The following NPAS3 variants were observed in gnomAD, a reference collection of about 807,000 sequenced individuals.
NPAS3 encodes neuronal PAS domain protein 3.
Under a neutral mutation model 73.1 loss-of-function variants are expected in NPAS3, and 14 were observed. That is an observed-to-expected ratio of 0.19 (90% CI 0.13 to 0.30). NPAS3 has a LOEUF of 0.30. Ranked by LOEUF, NPAS3 falls within the 10% of genes least tolerant of loss-of-function variation. The pLI is 1.00. For synonymous variants in NPAS3, 620 were observed against 541.5 expected (o/e 1.14, Z -2.01); for missense variants, 1,096 against 1,250.0 (o/e 0.88, Z 1.86).
chr14:33,453,029 C>A (rs947161980), intron 4 of NPAS3, among the ~76,000 whole-genome samples: 5 of 152,038 alleles, frequency 3.3e-5, no homozygotes. Flanking sequence ...ATGACATGAT[C>A]GTAGGTGACA....
chr14:33,103,326 A>G (rs1271314095), intron 2 of NPAS3, among the ~76,000 whole-genome samples: 1 of 152,106 alleles, frequency 6.6e-6, no homozygotes, highest in African/African-American at 2.4e-5. Context: ...TCAAGAGCTC[A>G]CCTGAAAGTC....
intron 5 of NPAS3, among the ~76,000 whole-genome samples, chr14:33,614,897 G>T (rs143761089): frequency 0.014 from 2,114 of 152,204 alleles, 46 homozygotes; most frequent in African/African-American, 0.048. Flanking sequence ...AAAATTTATA[G>T]TGCAAAGCAG....
At position 33,714,715 on chromosome 14, in the gene NPAS3, A is replaced by AT. The variant is rs140732131; in HGVS notation, c.734-20492dup. Among the ~76,000 whole-genome samples the AT allele has an allele frequency of 7.7e-3, 1,174 of 152,234 alleles. 13 individuals carry two copies. The highest frequency in any genetic ancestry group is 0.026 in the African/African-American group (1,090 of 41,542). On this transcript the variant is annotated intron_variant, in intron 6 of 11. Transcript: ENST00000356141. ...AAAAATACCTTACGTCACTGATTCT[A>AT]TTTTTTTCACATTTTAACATCTCTG...
intron 5 of NPAS3, among the ~76,000 whole-genome samples, chr14:33,612,752 G>A (rs537497694): frequency 5.3e-5 from 8 of 152,200 alleles, no homozygotes; most frequent in South Asian, 4.2e-4. Context: ...CCTCCCTCCC[G>A]TAAACTGGTG....
intron 4 of NPAS3, among the ~76,000 whole-genome samples, chr14:33,445,692 A>G (rs2049454857): frequency 6.6e-6 from 1 of 152,234 alleles, no homozygotes; most frequent in African/African-American, 2.4e-5. Flanking sequence ...ACAATTTGGA[A>G]CATTTTCTAT....
intron 5 of NPAS3, among the ~76,000 whole-genome samples, chr14:33,636,086 A>T (rs1567074048): frequency 6.6e-6 from 1 of 151,968 alleles, no homozygotes; most frequent in Non-Finnish European, 1.5e-5. Context: ...ACGCCTGGCT[A>T]ATTTTGTATT....
intron 7 of NPAS3, among the ~76,000 whole-genome samples, chr14:33,749,110 C>T (rs1344523214): frequency 6.6e-6 from 1 of 152,122 alleles, no homozygotes; most frequent in African/African-American, 2.4e-5. Flanking sequence ...CTAAAACCAA[C>T]CAGTCTCAGA....
At chr14:33,232,558 C>T (rs1389080782) in intron 3 of NPAS3, among the ~76,000 whole-genome samples, 1 of 152,128 alleles carries the variant, frequency 6.6e-6, no homozygotes. Flanking sequence ...GCGTTGCTCT[C>T]TCTTTTGAAT....
At chr14:33,588,343 T>C (rs1484383336) in intron 5 of NPAS3, among the ~76,000 whole-genome samples, 1 of 152,066 alleles carries the variant, frequency 6.6e-6, no homozygotes, top group African/African-American at 2.4e-5. Context: ...GATCCAAATA[T>C]CCTTCGGCAG....
intron 9 of NPAS3, among the ~76,000 whole-genome samples, chr14:33,780,015 A>G (rs899851361): frequency 1.3e-5 from 2 of 152,222 alleles, no homozygotes; most frequent in Admixed American, 1.3e-4. Flanking sequence ...ACTCAGAAAC[A>G]TGGAGATGTT....
intron 4 of NPAS3, among the ~76,000 whole-genome samples, chr14:33,388,129 G>A (rs1301675349): frequency 6.6e-6 from 1 of 152,150 alleles, no homozygotes; most frequent in African/African-American, 2.4e-5. Flanking sequence ...CATGATCAAT[G>A]CACAGGGCTT....
At chr14:33,774,618 C>A in intron 8 of NPAS3, 88 bp downstream of exon 8, 1 of 1,015,298 alleles carries the variant, frequency 9.8e-7, no homozygotes, top group East Asian at 2.4e-5. Flanking sequence ...GGTACTCTCC[C>A]AGTGAGGTTC....
chr14:33,712,818 C>G (rs1437301006), intron 6 of NPAS3, among the ~76,000 whole-genome samples: 1 of 152,112 alleles, frequency 6.6e-6, no homozygotes, highest in Non-Finnish European at 1.5e-5. Flanking sequence ...CATGGGTAAA[C>G]AAGGTATAGC....
intron 1 of NPAS3, among the ~76,000 whole-genome samples, chr14:32,986,554 T>C (rs969206502): frequency 6.6e-6 from 1 of 152,206 alleles, no homozygotes; most frequent in Non-Finnish European, 1.5e-5. Flanking sequence ...ATATGTCAAG[T>C]ATGTTTTAAA....
chr14:33,396,789 A>C (rs1434267581), intron 4 of NPAS3, among the ~76,000 whole-genome samples: 1 of 152,034 alleles, frequency 6.6e-6, no homozygotes, highest in Admixed American at 6.6e-5. Context: ...TATATGTGTT[A>C]TGTGAATATA....
At chr14:33,211,367 G>A (rs1282582269) in intron 2 of NPAS3, among the ~76,000 whole-genome samples, 9 of 152,182 alleles carry the variant, frequency 5.9e-5, no homozygotes, top group Non-Finnish European at 8.8e-5. Context: ...GATCACTTGA[G>A]GTCAGGAGTT....
chr14:33,746,195 A>AT (rs1241544431), intron 7 of NPAS3, among the ~76,000 whole-genome samples: 3 of 146,468 alleles, frequency 2.0e-5, no homozygotes, highest in African/African-American at 8.1e-5. Flanking sequence ...TTATTTATTT[A>AT]TTTATTTTTT....
intron 3 of NPAS3, among the ~76,000 whole-genome samples, chr14:33,310,321 C>G (rs1379035268): frequency 6.6e-6 from 1 of 151,594 alleles, no homozygotes; most frequent in African/African-American, 2.4e-5. Flanking sequence ...AAAAGTATAG[C>G]TTAAAGGAGA....
At position 33,784,751 on chromosome 14, in the gene NPAS3, T is replaced by TA. The variant is rs199829124; in HGVS notation, c.1153+6179_1153+6180insA. On this transcript the variant is annotated intron_variant, in intron 9 of 11. Transcript: ENST00000356141. Reference sequence around the variant, plus strand: ...TTTATTTATTTATTTATTTATTTTTTTTTTTTTTTTTTTTTTGAGACAGAG... The same window carrying TA: ...TTTATTTATTTATTTATTTATTTTTTATTTTTTTTTTTTTTTTGAGACAGAG... Among the ~76,000 whole-genome samples the TA allele has an allele frequency of 5.7e-4, 66 of 114,838 alleles. 1 individual carries two copies. Among genetic ancestry groups the TA allele is most frequent in the African/African-American group, 2.0e-3 (52 of 25,870 alleles). The allele number at this position is 114,838 out of a possible 152,430, so 75.3% of individuals were successfully genotyped here. A position where few individuals can be genotyped will look rare whatever the true frequency, so the allele number is the denominator to read the frequency against.
Sources: gnomAD v4.1 joint callset for allele counts (sites outside exome capture counted in the v4.1 genomes callset) on GRCh38, gnomAD v4.1.1 for gene constraint, MANE v1.5 for transcripts, NCBI Gene and HGNC (gene_info 2026-07-23, HGNC 2026-07-21) for gene names.